The following DPYD variants were observed in gnomAD, a reference collection of about 807,000 sequenced individuals.
The protein encoded by DPYD is dihydropyrimidine dehydrogenase [NADP(+)].
In DPYD, 109 loss-of-function variants were observed where a neutral mutation model predicts 116.2. The ratio of observed to expected loss-of-function variants is 0.94; its 90% CI spans 0.80 to 1.10. The LOEUF is 1.10. DPYD is among the 50% of genes least tolerant of loss of function. The pLI is 0.00. For missense variants in DPYD, 1,302 were observed against 1,254.5 expected (o/e 1.04, Z -0.57); for synonymous variants, 440 against 432.0 (o/e 1.02, Z -0.23).
At chr1:97,468,011 C>T (rs1677426748) in intron 13 of DPYD, among the ~76,000 whole-genome samples, 1 of 152,078 alleles carries the variant, frequency 6.6e-6, no homozygotes. Context: ...GGTAAAGAGT[C>T]AGATGATAAA....
intron 2 of DPYD, among the ~76,000 whole-genome samples, chr1:97,834,191 C>T (rs192122096): frequency 5.1e-4 from 77 of 152,050 alleles, no homozygotes; most frequent in African/African-American, 1.8e-3. Flanking sequence ...AATAAAGCAT[C>T]TTAAGTTCAA....
At chr1:97,525,978 A>AGAGTGTGT (rs1491342461) in intron 12 of DPYD, among the ~76,000 whole-genome samples, 4 of 138,226 alleles carry the variant, frequency 2.9e-5, no homozygotes, top group East Asian at 2.2e-4. Context: ...GGTAATTAAG[A>AGAGTGTGT]GTGTGTGTGT....
intron 8 of DPYD, among the ~76,000 whole-genome samples, chr1:97,675,776 G>A (rs1660111674): frequency 2.0e-5 from 3 of 148,636 alleles, no homozygotes; most frequent in Admixed American, 1.3e-4. Context: ...TGTAGACGGA[G>A]TCTTGCTCTG....
intron 14 of DPYD, among the ~76,000 whole-genome samples, chr1:97,405,407 T>C (rs1373261946): frequency 6.6e-6 from 1 of 152,180 alleles, no homozygotes; most frequent in African/African-American, 2.4e-5. Context: ...TTTGTTTGTC[T>C]GAGAAAGTGT....
At chr1:97,729,142 A>G (rs1327323375) in intron 4 of DPYD, among the ~76,000 whole-genome samples, 4 of 152,116 alleles carry the variant, frequency 2.6e-5, no homozygotes, top group African/African-American at 9.7e-5. Context: ...TTCTTGTAGA[A>G]GATAACGTTT....
At chr1:97,442,557 G>T (rs561113950) in intron 14 of DPYD, among the ~76,000 whole-genome samples, 129 of 151,690 alleles carry the variant, frequency 8.5e-4, no homozygotes, top group African/African-American at 2.9e-3. Context: ...ACCAAGAAAA[G>T]AACTCACTAT....
At chr1:97,343,025 C>T (rs1669660404) in intron 16 of DPYD, among the ~76,000 whole-genome samples, 1 of 151,930 alleles carries the variant, frequency 6.6e-6, no homozygotes, top group Non-Finnish European at 1.5e-5. Flanking sequence ...AACAAACAAA[C>T]AAACAAATAA....
intron 8 of DPYD, among the ~76,000 whole-genome samples, chr1:97,603,840 A>G (rs1655412720): frequency 6.6e-6 from 1 of 152,174 alleles, no homozygotes; most frequent in African/African-American, 2.4e-5. Flanking sequence ...TTGTTAACAT[A>G]TCATGCATCT....
intron 20 of DPYD, among the ~76,000 whole-genome samples, chr1:97,173,178 A>ATACATATATATGTGTATATATGTG (rs747683920): frequency 2.0e-5 from 3 of 151,028 alleles, no homozygotes; most frequent in Non-Finnish European, 4.4e-5. Flanking sequence ...GTACACATGT[A>ATACATATATATGTGTATATATGTG]TACATATATA....
At chr1:97,176,961 T>C (rs2101789197) in intron 20 of DPYD, among the ~76,000 whole-genome samples, 1 of 151,856 alleles carries the variant, frequency 6.6e-6, no homozygotes, top group East Asian at 1.9e-4. Context: ...ATATTGTTTA[T>C]CTCCAGGCCT....
chr1:97,576,451 C>G (rs1049158801), intron 10 of DPYD, among the ~76,000 whole-genome samples: 1 of 152,136 alleles, frequency 6.6e-6, no homozygotes, highest in Admixed American at 6.6e-5. Flanking sequence ...CTATTAATAC[C>G]TCTACAGTAT....
At chr1:97,358,334 C>G (rs1670528637) in intron 16 of DPYD, among the ~76,000 whole-genome samples, 1 of 152,188 alleles carries the variant, frequency 6.6e-6, no homozygotes, top group African/African-American at 2.4e-5. Flanking sequence ...CGCAGCTCAG[C>G]AAGGCTGGCT....
chr1:97,388,579 C>A, intron 14 of DPYD, among the ~76,000 whole-genome samples: 1 of 152,032 alleles, frequency 6.6e-6, no homozygotes, highest in East Asian at 1.9e-4. Flanking sequence ...AGAGTAGAAA[C>A]GTGTCCACTG....
chr1:97,137,028 T>C (rs961998280), intron 20 of DPYD, among the ~76,000 whole-genome samples: 1 of 152,208 alleles, frequency 6.6e-6, no homozygotes, highest in African/African-American at 2.4e-5. Context: ...CACCTATTAA[T>C]TTTTCCAGTG....
intron 13 of DPYD, 21 bp from the exon 14 acceptor site, chr1:97,450,244 T>C (rs1354958292): frequency 1.9e-6 from 3 of 1,612,670 alleles, no homozygotes; most frequent in South Asian, 2.2e-5. Flanking sequence ...AGTAAAGATA[T>C]TGAGTCTCCT....
intron 13 of DPYD, among the ~76,000 whole-genome samples, chr1:97,475,930 T>C (rs1409339664): frequency 6.6e-6 from 1 of 152,184 alleles, no homozygotes; most frequent in Admixed American, 6.5e-5. Flanking sequence ...TACCTATACA[T>C]TGTTGAGTTT....
intron 1 of DPYD, among the ~76,000 whole-genome samples, chr1:97,911,040 G>A (rs938875211): frequency 7.3e-5 from 11 of 151,672 alleles, no homozygotes; most frequent in African/African-American, 1.5e-4. Context: ...CAAATTAAAC[G>A]AATCACACAA....
intron 10 of DPYD, chr1:97,586,402 C>T (rs565748616): frequency 2.8e-5 from 4 of 143,204 alleles, no homozygotes; most frequent in Non-Finnish European, 6.0e-5. Flanking sequence ...GACAGTGACA[C>T]ACCAGGTAAA....
intron 20 of DPYD, among the ~76,000 whole-genome samples, chr1:97,165,956 A>G (rs1285100933): frequency 2.0e-5 from 3 of 152,156 alleles, no homozygotes; most frequent in Non-Finnish European, 4.4e-5. Flanking sequence ...GAGAAAAGAG[A>G]ACACTTATAC....
Sources: gnomAD v4.1 joint callset for allele counts (sites outside exome capture counted in the v4.1 genomes callset) on GRCh38, gnomAD v4.1.1 for gene constraint, MANE v1.5 for transcripts, NCBI Gene and HGNC (gene_info 2026-07-23, HGNC 2026-07-21) for gene names.